The following ZFYVE26 variants were observed in gnomAD, a reference collection of about 807,000 sequenced individuals.
ZFYVE26 encodes the protein zinc finger FYVE-type containing 26, also known as zinc finger FYVE domain-containing protein 26.
In ZFYVE26, 181 loss-of-function variants were observed where a neutral mutation model predicts 276.5. The observed-to-expected ratio is 0.65, with a 90% CI of 0.58 to 0.74. The LOEUF (loss-of-function observed/expected upper bound fraction) is 0.74. ZFYVE26 is among the 30% of genes least tolerant of loss of function. ZFYVE26 has a pLI of 0.00. For synonymous variants in ZFYVE26, 1,129 were observed against 1,203.1 expected, an observed-to-expected ratio of 0.94 and a Z score of 1.27; for missense variants, 2,821 against 3,097.9, an observed-to-expected ratio of 0.91 and a Z score of 2.12.
chr14:67,739,718 T>C (rs1489344715), intron 13 of ZFYVE26, among the ~76,000 whole-genome samples: 2 of 152,130 alleles, frequency 1.3e-5, no homozygotes, highest in East Asian at 3.8e-4. Context: ...TGACCTAATA[T>C]CCTAGCACAG....
intron 3 of ZFYVE26, among the ~76,000 whole-genome samples, chr14:67,811,379 T>C (rs1278292459): frequency 6.6e-6 from 1 of 152,144 alleles, no homozygotes; most frequent in Non-Finnish European, 1.5e-5. Flanking sequence ...AAAGACAAAA[T>C]TAATTCTGGT....
Position 67,789,325 on chromosome 14 carries a change from G to A in ZFYVE26, c.3019+10C>T, listed in dbSNP as rs2140232204. 2.5e-6 allele frequency: 4 copies of A among 1,613,990 alleles called. No individual in the cohort carries two copies. The highest frequency in any genetic ancestry group is 3.4e-6 in the Non-Finnish European group (4 of 1,180,030). The stretch of plus-strand genomic sequence containing the variant: ...AGAATGAAGGGATACAGCTAACACA[G>A]CACACTCACCCCGCCTTTCAAGGCT... On this transcript the variant is annotated intron_variant, in intron 16 of 41. Transcript: ENST00000347230.
At chr14:67,803,036 A>G (rs1367181642) in intron 9 of ZFYVE26, among the ~76,000 whole-genome samples, 1 of 152,248 alleles carries the variant, frequency 6.6e-6, no homozygotes, top group Admixed American at 6.5e-5. Flanking sequence ...CAAAATAGAT[A>G]CAATTACTAT....
chr14:67,783,097 A>G lies in ZFYVE26; in HGVS notation c.4055T>C (p.Val1352Ala). ...CAGAAGGCGCTCACACTCCCGGGCT[A>G]CCTGCTCTGCAGCCAGAGGCACCTC... ...RREVPLAAEQ[V>A]ARECERLLEQ... is the part of the protein sequence containing the mutation. The change falls in exon 21 of 42, where the codon GTA becomes GCA. Residue 1352 changes from valine (V) to alanine (A), a missense_variant. Physicochemically the swap from Val to Ala is moderately conservative, Grantham distance 64. Transcript: ENST00000347230. The G allele has an allele frequency of 6.2e-7, 1 of 1,612,550 alleles. No individual in the cohort carries two copies. The highest frequency in any genetic ancestry group is 8.5e-7 in the Non-Finnish European group (1 of 1,178,810).
chr14:67,788,942 A>G (rs2039736418), intron 16 of ZFYVE26, among the ~76,000 whole-genome samples: 1 of 152,058 alleles, frequency 6.6e-6, no homozygotes, highest in African/African-American at 2.4e-5. Flanking sequence ...TATTCACCTC[A>G]AGGTATGATC....
chr14:67,815,557 G>C, intron 2 of ZFYVE26: 1 of 615,158 alleles, frequency 1.6e-6, no homozygotes, highest in Non-Finnish European at 2.9e-6. Flanking sequence ...TGGCAGCCAG[G>C]CTTACATTCA....
chr14:67,792,418 G>A (rs918252460), intron 14 of ZFYVE26, among the ~76,000 whole-genome samples: 3 of 151,906 alleles, frequency 2.0e-5, no homozygotes, highest in South Asian at 4.2e-4. Flanking sequence ...TATTTCTCAC[G>A]GCTAGAACAT....
At chr14:67,762,849 G>A (rs1268332501) in intron 32 of ZFYVE26, 30 bp from the exon 33 acceptor site, 2 of 1,612,546 alleles carry the variant, frequency 1.2e-6, no homozygotes, top group Non-Finnish European at 8.5e-7. Context: ...AAGGCCATGA[G>A]GCTCCCTAGT....
intron 12 of ZFYVE26, 100 bp from the exon 13 acceptor site, chr14:67,794,339 C>T (rs2039899106): frequency 4.3e-6 from 5 of 1,165,190 alleles, no homozygotes; most frequent in Non-Finnish European, 6.5e-6. Flanking sequence ...TAGTTAGAGA[C>T]AGAGGATAAT....
rs772325933 is a variant in ZFYVE26 at position 67,783,034 on chromosome 14, G to A, written c.4118C>T (p.Ala1373Val). Residue 1373 changes from alanine (A) to valine (V), a missense_variant, in exon 21 of 42, where the codon GCC becomes GTC. Coordinates refer to ENST00000347230, the MANE Select transcript of ZFYVE26 (RefSeq NM_015346.4). ...FPLFEAFLLA[A>V]WEPLRGSLQQ... is the part of the protein sequence containing the mutation. ...CAAAGACCCTCGCAGGGGCTCCCAG[G>A]CAGCCAGGAGGAAGGCCTCAAACAG... 2.5e-6 allele frequency: 4 copies of A among 1,614,184 alleles called. No individual in the cohort carries two copies. The highest frequency in any genetic ancestry group is 2.2e-5 in the South Asian group (2 of 91,086).
At chr14:67,731,337 C>A (rs1048007708) in intron 13 of ZFYVE26, among the ~76,000 whole-genome samples, 66 of 151,536 alleles carry the variant, frequency 4.4e-4, no homozygotes, top group African/African-American at 1.5e-3. Flanking sequence ...GCCTCAGCCT[C>A]CCGAGTAGCT....
chr14:67,777,842 C>A, intron 24 of ZFYVE26, 107 bp from the exon 25 acceptor site: 2 of 1,427,648 alleles, frequency 1.4e-6, no homozygotes, highest in Non-Finnish European at 2.0e-6. Flanking sequence ...TTTGGACTAA[C>A]CCTTTCTCTA....
chr14:67,755,343 G>T (rs2140184665), intron 36 of ZFYVE26, 93 bp from the exon 37 acceptor site: 2 of 1,456,516 alleles, frequency 1.4e-6, no homozygotes, highest in Middle Eastern at 1.8e-4. Flanking sequence ...CTGCCTATGA[G>T]ACCTTGTTTC....
intron 13 of ZFYVE26, among the ~76,000 whole-genome samples, chr14:67,737,543 C>T (rs1229967497): frequency 3.3e-5 from 5 of 152,132 alleles, no homozygotes; most frequent in Admixed American, 6.5e-5. Flanking sequence ...CAACTCCCAC[C>T]AGGTCCCTCC....
intron 13 of ZFYVE26, among the ~76,000 whole-genome samples, chr14:67,732,536 C>CAAAAAA (rs11408156): frequency 6.1e-5 from 8 of 130,134 alleles, no homozygotes; most frequent in South Asian, 2.4e-4. Context: ...CCAAACAAAG[C>CAAAAAA]AAAAAAAAAA....
At chr14:67,784,267 A>G in intron 20 of ZFYVE26, 67 bp downstream of exon 20, 1 of 1,348,936 alleles carries the variant, frequency 7.4e-7, no homozygotes, top group Admixed American at 1.7e-5. Context: ...CACCGCACTG[A>G]GCCCTTGGCT....
chr14:67,780,912 A>C (rs2039481386), intron 22 of ZFYVE26, among the ~76,000 whole-genome samples: 1 of 152,244 alleles, frequency 6.6e-6, no homozygotes, highest in African/African-American at 2.4e-5. Context: ...TGAACATAAC[A>C]AATATCCCAC....
At chr14:67,784,552 C>T in intron 19 of ZFYVE26, 116 bp from the exon 20 acceptor site, 2 of 905,576 alleles carry the variant, frequency 2.2e-6, no homozygotes, top group Admixed American at 1.8e-5. Flanking sequence ...TATGGAGAGC[C>T]TTCTGTTAAT....
intron 12 of ZFYVE26, among the ~76,000 whole-genome samples, chr14:67,794,530 C>T (rs1039130878): frequency 1.3e-5 from 2 of 152,202 alleles, no homozygotes; most frequent in Non-Finnish European, 2.9e-5. Flanking sequence ...GGTCAGTGAT[C>T]AGCACCTGCT....
Sources: gnomAD v4.1 joint callset for allele counts (sites outside exome capture counted in the v4.1 genomes callset) on GRCh38, gnomAD v4.1.1 for gene constraint, MANE v1.5 for transcripts, NCBI Gene and HGNC (gene_info 2026-07-23, HGNC 2026-07-21) for gene names.